COG6: variants seen among roughly 807,000 people sequenced by gnomAD.
COG6 encodes the protein component of oligomeric golgi complex 6.
A neutral mutation model predicts 88.8 loss-of-function variants in COG6; 74 were observed. The ratio of observed to expected loss-of-function variants is 0.83; its 90% CI spans 0.69 to 1.01. COG6 has a LOEUF of 1.01. Among genes scored for constraint, COG6 ranks in the 50% least tolerant of loss-of-function variants. The pLI, the probability that COG6 is intolerant of heterozygous loss-of-function variation, is 0.00. For synonymous variants in COG6, 286 were observed against 278.7 expected (o/e 1.03, Z -0.26); for missense variants, 800 against 797.9 (o/e 1.00, Z -0.03).
At chr13:39,786,788 A>T (rs1881785701) in intron 18 of COG6, among the ~76,000 whole-genome samples, 1 of 152,164 alleles carries the variant, frequency 6.6e-6, no homozygotes, top group African/African-American at 2.4e-5. Context: ...TGCTGAAATG[A>T]AGCAAAACTT....
At chr13:39,713,816 G>A (rs753458530) in intron 13 of COG6, among the ~76,000 whole-genome samples, 1 of 152,164 alleles carries the variant, frequency 6.6e-6, no homozygotes, top group Non-Finnish European at 1.5e-5. Flanking sequence ...TGAAACTAAA[G>A]TGACAAAAGT....
At chr13:39,707,715 G>A (rs9603596) in intron 13 of COG6, among the ~76,000 whole-genome samples, 63 of 152,110 alleles carry the variant, frequency 4.1e-4, no homozygotes, top group African/African-American at 1.4e-3. Context: ...CATATATTTT[G>A]CATGTTCAGT....
At chr13:39,692,372 CTT>C (rs576736136) in intron 11 of COG6, among the ~76,000 whole-genome samples, 297 of 151,942 alleles carry the variant, frequency 2.0e-3, no homozygotes, top group African/African-American at 6.9e-3. Flanking sequence ...TGAATTTTCT[CTT>C]TTAATAAAAA....
At chr13:39,707,355 T>A (rs1300519632) in intron 13 of COG6, among the ~76,000 whole-genome samples, 1 of 151,842 alleles carries the variant, frequency 6.6e-6, no homozygotes, top group Admixed American at 6.6e-5. Context: ...TCTCTATCTC[T>A]TGACCTCATG....
chr13:39,736,997 T>G (rs1440259963), intron 18 of COG6, among the ~76,000 whole-genome samples: 1 of 152,176 alleles, frequency 6.6e-6, no homozygotes. Flanking sequence ...GACTTGTGAA[T>G]TAAGTCTTTG....
chr13:39,725,508 A>T (rs184346258), intron 17 of COG6, among the ~76,000 whole-genome samples: 6 of 152,030 alleles, frequency 3.9e-5, no homozygotes, highest in Non-Finnish European at 7.4e-5. Flanking sequence ...ATCTTCCAGA[A>T]CTCAGTTTAA....
intron 13 of COG6, among the ~76,000 whole-genome samples, chr13:39,702,698 G>A (rs1195748994): frequency 6.6e-6 from 1 of 151,996 alleles, no homozygotes; most frequent in Non-Finnish European, 1.5e-5. Context: ...GTAGAAAGAT[G>A]AGATAAAGAA....
chr13:39,775,851 C>T (rs1250791745), intron 18 of COG6, among the ~76,000 whole-genome samples: 1 of 151,496 alleles, frequency 6.6e-6, no homozygotes, highest in African/African-American at 2.4e-5. Flanking sequence ...CTCACTGCGA[C>T]CTCTGCCTCC....
At chr13:39,676,184 C>T (rs1875956290) in intron 4 of COG6, among the ~76,000 whole-genome samples, 1 of 152,002 alleles carries the variant, frequency 6.6e-6, no homozygotes, top group Non-Finnish European at 1.5e-5. Context: ...CCCCTTCTCC[C>T]CACTATCTTC....
At chr13:39,665,588 TTGAA>T (rs1329453543) in intron 4 of COG6, among the ~76,000 whole-genome samples, 2 of 152,214 alleles carry the variant, frequency 1.3e-5, no homozygotes, top group African/African-American at 2.4e-5. Flanking sequence ...TATTGGTTGA[TTGAA>T]TGAATGAGTG....
chr13:39,669,143 A>ATCCT (rs919328178), intron 4 of COG6, among the ~76,000 whole-genome samples: 1 of 152,228 alleles, frequency 6.6e-6, no homozygotes, highest in African/African-American at 2.4e-5. Flanking sequence ...TCTGTGAGGA[A>ATCCT]AGGCAGTGTT....
Position 39,719,660 on chromosome 13 carries a change from GTT to G in COG6, c.1420_1421del (p.Leu474IlefsTer22). 1 of 1,611,336 alleles carries G rather than the reference GTT, an allele frequency of 6.2e-7. No individual in the cohort carries two copies. Among genetic ancestry groups the G allele is most frequent in the Non-Finnish European group, 8.5e-7 (1 of 1,178,024 alleles). On this transcript the variant is annotated frameshift_variant and splice_region_variant, in exon 15 of 19. Coordinates refer to ENST00000455146, the MANE Select transcript of COG6 (RefSeq NM_020751.3). LOFTEE classifies it high-confidence loss of function. ...AGTTCATTTTATTTTTCATTTGTAG[GTT>G]TTATCATGTGTCTTGGATCCTCTCC... ...LDARQADFVQ[V>X]LSCVLDPLLQ...
chr13:39,721,340 A>G (rs964430323), intron 15 of COG6, among the ~76,000 whole-genome samples: 2 of 152,096 alleles, frequency 1.3e-5, no homozygotes, highest in Non-Finnish European at 1.5e-5. Flanking sequence ...GGATGTGTCA[A>G]CTGGACTTTT....
rs138670465 is a variant in COG6, at chr13:39,673,539, T to C, written c.429-3929T>C. On this transcript the variant is annotated intron_variant, in intron 4 of 18. Coordinates refer to ENST00000455146, the MANE Select transcript of COG6 (RefSeq NM_020751.3). ...GAACCAAAAAAAATTATAGAAATAC[T>C]TTTTCTTAAGGATTGTAAATGATAA... Among the ~76,000 whole-genome samples the C allele has an allele frequency of 4.4e-3, 672 of 152,154 alleles. 3 individuals are homozygous for C. Among genetic ancestry groups the C allele is most frequent in the African/African-American group, 0.016 (646 of 41,576 alleles).
At chr13:39,741,191 G>A (rs748438828) in intron 18 of COG6, among the ~76,000 whole-genome samples, 3 of 151,996 alleles carry the variant, frequency 2.0e-5, no homozygotes, top group Admixed American at 6.6e-5. Context: ...CATATCTAGA[G>A]ATTCTCTTCT....
chr13:39,764,085 C>T (rs9576897), intron 18 of COG6, among the ~76,000 whole-genome samples: 62,837 of 151,610 alleles, frequency 0.41, 13,400 homozygotes, highest in Admixed American at 0.56. Context: ...TCTAAATAGA[C>T]GTAAAACTGT....
chr13:39,785,859 T>C (rs1053731956), intron 18 of COG6, among the ~76,000 whole-genome samples: 1 of 151,984 alleles, frequency 6.6e-6, no homozygotes, highest in Non-Finnish European at 1.5e-5. Context: ...AGAGTAGGGG[T>C]TAAGAGTACT....
At chr13:39,736,966 G>T (rs1463830950) in intron 18 of COG6, among the ~76,000 whole-genome samples, 2 of 152,174 alleles carry the variant, frequency 1.3e-5, no homozygotes, top group African/African-American at 4.8e-5. Flanking sequence ...TTCTTATGAA[G>T]GCTTTCCAAG....
chr13:39,791,095 G>A (rs1881924874), exon 19 of COG6: 1 of 152,006 alleles, frequency 6.6e-6, no homozygotes, highest in Non-Finnish European at 1.5e-5. Context: ...TTAAAAACAA[G>A]GCTTTCAATG....
Sources: gnomAD v4.1 joint callset for allele counts (sites outside exome capture counted in the v4.1 genomes callset) on GRCh38, gnomAD v4.1.1 for gene constraint, MANE v1.5 for transcripts, NCBI Gene and HGNC (gene_info 2026-07-23, HGNC 2026-07-21) for gene names.